The following PIGL variants were observed in gnomAD, a reference collection of about 807,000 sequenced individuals.
PIGL encodes phosphatidylinositol glycan anchor biosynthesis class L.
In PIGL, 22 loss-of-function variants were observed where a neutral mutation model predicts 31.1. That is an observed-to-expected ratio of 0.71 (90% CI 0.51 to 1.01). The LOEUF is 1.01. PIGL is among the 50% of genes least tolerant of loss of function. The pLI, the probability that PIGL is intolerant of heterozygous loss-of-function variation, is 0.00. For synonymous variants in PIGL, 131 were observed against 117.4 expected (o/e 1.12, Z -0.75); for missense variants, 302 against 315.9 (o/e 0.96, Z 0.33).
At chr17:16,294,080 CCTTT>C (rs1232429861) in intron 2 of PIGL, among the ~76,000 whole-genome samples, 3 of 152,146 alleles carry the variant, frequency 2.0e-5, no homozygotes, top group Non-Finnish European at 4.4e-5. Flanking sequence ...TTGCTCCACG[CCTTT>C]CTTTTAGTGG....
Position 16,310,003 on chromosome 17 carries a change from A to G in PIGL, c.427-3544A>G, listed in dbSNP as rs192454049. On this transcript the variant is annotated intron_variant, in intron 3 of 6. Coordinates refer to ENST00000225609, the MANE Select transcript of PIGL (RefSeq NM_004278.4). ...AGAGGTGAGAGAATCTCTTGAACCC[A>G]GGAGACAGAGGTTGCAGTGAGCCAA... 1.7e-3 allele frequency among the ~76,000 whole-genome samples: 243 copies of G among 146,388 alleles called. 2 individuals carry two copies. The highest frequency in any genetic ancestry group is 5.4e-3 in the African/African-American group (217 of 39,996).
intron 2 of PIGL, among the ~76,000 whole-genome samples, chr17:16,279,021 G>A (rs1049090909): frequency 6.6e-6 from 1 of 152,170 alleles, no homozygotes; most frequent in Non-Finnish European, 1.5e-5. Context: ...AGCGCTTGGA[G>A]GAACAGGCCC....
chr17:16,223,346 A>G (rs968131072), intron 1 of PIGL, among the ~76,000 whole-genome samples: 12 of 152,164 alleles, frequency 7.9e-5, no homozygotes, highest in Admixed American at 2.0e-4. Flanking sequence ...TGGGAGGCCA[A>G]GGTGGGCAGA....
intron 4 of PIGL, among the ~76,000 whole-genome samples, chr17:16,314,257 G>C (rs2093066739): frequency 6.6e-6 from 1 of 152,300 alleles, no homozygotes; most frequent in Admixed American, 6.5e-5. Flanking sequence ...CTGATCAGTG[G>C]TGTGGCAGGC....
At chr17:16,231,999 T>C (rs868253786) in intron 1 of PIGL, among the ~76,000 whole-genome samples, 18 of 152,146 alleles carry the variant, frequency 1.2e-4, no homozygotes, top group Middle Eastern at 3.4e-3. Context: ...GGGAGATGGC[T>C]GAGCACTGTG....
intron 2 of PIGL, among the ~76,000 whole-genome samples, chr17:16,252,068 T>TTTTTTTTTC: frequency 3.2e-5 from 2 of 63,486 alleles, no homozygotes; most frequent in African/African-American, 7.5e-5. Context: ...TTTTTTTCCT[T>TTTTTTTTTC]TTTTTTTTTT....
intron 2 of PIGL, among the ~76,000 whole-genome samples, chr17:16,251,422 CAA>C (rs34657944): frequency 3.1e-3 from 388 of 126,236 alleles, no homozygotes; most frequent in Non-Finnish European, 4.2e-3. Context: ...GACTCTGTCT[CAA>C]AAAAAAAAAA....
intron 2 of PIGL, among the ~76,000 whole-genome samples, chr17:16,280,010 GT>G (rs1182257216): frequency 1.3e-5 from 2 of 152,158 alleles, no homozygotes; most frequent in African/African-American, 4.8e-5. Context: ...ACTGGGCTGG[GT>G]TTATTACCAG....
intron 2 of PIGL, among the ~76,000 whole-genome samples, chr17:16,254,954 T>C (rs2142735347): frequency 6.6e-6 from 1 of 152,326 alleles, no homozygotes; most frequent in Non-Finnish European, 1.5e-5. Context: ...ACCCTCGATA[T>C]ATAATACTTG....
chr17:16,247,164 C>T (rs2092752204), intron 2 of PIGL, among the ~76,000 whole-genome samples: 1 of 152,142 alleles, frequency 6.6e-6, no homozygotes, highest in Admixed American at 6.6e-5. Context: ...CGTATGACCT[C>T]ATGTGATCTT....
intron 2 of PIGL, among the ~76,000 whole-genome samples, chr17:16,286,578 G>T (rs1021846769): frequency 1.3e-5 from 2 of 152,182 alleles, no homozygotes; most frequent in African/African-American, 4.8e-5. Flanking sequence ...AACGCTTTTA[G>T]CCTGGCTTGT....
At chr17:16,302,833 G>A (rs148363721) in intron 3 of PIGL, among the ~76,000 whole-genome samples, 175 of 152,184 alleles carry the variant, frequency 1.1e-3, no homozygotes, top group African/African-American at 4.0e-3. Flanking sequence ...TCCTGACCTC[G>A]TGATCCGCCT....
intron 1 of PIGL, among the ~76,000 whole-genome samples, chr17:16,219,065 A>ATTTTTTTTT (rs766541353): frequency 2.4e-5 from 2 of 81,642 alleles, no homozygotes; most frequent in African/African-American, 8.5e-5. Context: ...TTTTTTATAA[A>ATTTTTTTTT]TTTTTTTTTT....
intron 2 of PIGL, among the ~76,000 whole-genome samples, chr17:16,242,056 GT>G (rs976173820): frequency 6.6e-6 from 1 of 150,756 alleles, no homozygotes; most frequent in African/African-American, 2.4e-5. Context: ...TTTCTTTGGG[GT>G]TTTTTTTTGT....
At chr17:16,311,248 T>A (rs1267004952) in intron 3 of PIGL, among the ~76,000 whole-genome samples, 1 of 151,436 alleles carries the variant, frequency 6.6e-6, no homozygotes, top group African/African-American at 2.4e-5. Context: ...TCTTTTATTA[T>A]TTGAGTTAGC....
intron 2 of PIGL, among the ~76,000 whole-genome samples, chr17:16,292,254 G>A (rs1600831766): frequency 6.6e-6 from 1 of 151,674 alleles, no homozygotes; most frequent in Non-Finnish European, 1.5e-5. Flanking sequence ...GGCTGGTCTC[G>A]ATTTCCTGAT....
intron 4 of PIGL, among the ~76,000 whole-genome samples, chr17:16,315,944 C>T (rs1231775260): frequency 6.6e-6 from 1 of 151,988 alleles, no homozygotes; most frequent in African/African-American, 2.4e-5. Flanking sequence ...GATCCGCTTG[C>T]CTCGGCCTCC....
chr17:16,261,026 G>A (rs2092817078), intron 2 of PIGL, among the ~76,000 whole-genome samples: 1 of 151,464 alleles, frequency 6.6e-6, no homozygotes, highest in Non-Finnish European at 1.5e-5. Flanking sequence ...GTCTGAGGCA[G>A]GAGAATTGCT....
At chr17:16,273,964 G>C (rs2092882890) in intron 2 of PIGL, among the ~76,000 whole-genome samples, 1 of 152,198 alleles carries the variant, frequency 6.6e-6, no homozygotes, top group Non-Finnish European at 1.5e-5. Flanking sequence ...AGGTTCTCCT[G>C]GCTAGTGAAG....
Sources: gnomAD v4.1 joint callset for allele counts (sites outside exome capture counted in the v4.1 genomes callset) on GRCh38, gnomAD v4.1.1 for gene constraint, MANE v1.5 for transcripts, NCBI Gene and HGNC (gene_info 2026-07-23, HGNC 2026-07-21) for gene names.